POLR2H: variants seen among roughly 807,000 people sequenced by gnomAD.
POLR2H encodes RNA polymerase II, I and III subunit H.
Under a neutral mutation model 18.1 loss-of-function variants are expected in POLR2H, and 3 were observed. That is an observed-to-expected ratio of 0.17 (90% CI 0.08 to 0.43). The LOEUF (loss-of-function observed/expected upper bound fraction) is 0.43, where lower values mean the gene tolerates loss of function less well. Among genes scored for constraint, POLR2H ranks in the 20% least tolerant of loss-of-function variants. The pLI, the probability that POLR2H is intolerant of heterozygous loss-of-function variation, is 0.99. For missense variants in POLR2H, 103 were observed against 184.6 expected, an observed-to-expected ratio of 0.56 and a Z score of 2.56; for synonymous variants, 76 against 69.0, an observed-to-expected ratio of 1.10 and a Z score of -0.50.
At chr3:184,364,806 C>T (rs1712950116) in intron 2 of POLR2H, 160 bp from the exon 3 acceptor site, 2 of 584,550 alleles carry the variant, frequency 3.4e-6, no homozygotes, top group African/African-American at 1.9e-5. Flanking sequence ...CCTTTTCCTT[C>T]TTGCATATCT....
Position 184,363,463 on chromosome 3 carries a change from C to A in POLR2H, c.-30C>A. Reference sequence around the variant, plus strand: ...CTCCCAACTGTGGTCGCGCTCTCACCCCTTCTGCTGCTCTCGTGGCCCCCT... The same window carrying A: ...CTCCCAACTGTGGTCGCGCTCTCACACCTTCTGCTGCTCTCGTGGCCCCCT... On this transcript the variant is annotated 5_prime_UTR_variant, in exon 2 of 6. Coordinates refer to ENST00000456318, the MANE Select transcript of POLR2H (RefSeq NM_006232.5). 1.3e-6 allele frequency: 2 copies of A among 1,595,680 alleles called. No homozygotes were observed. The highest frequency in any genetic ancestry group is 1.7e-6 in the Non-Finnish European group (2 of 1,163,574).
chr3:184,366,846 T>C (rs1273579918), intron 5 of POLR2H, 46 bp downstream of exon 5: 2 of 1,144,260 alleles, frequency 1.7e-6, no homozygotes, highest in Admixed American at 1.7e-5. Flanking sequence ...TTCCATGTTC[T>C]GAGACTTTGA....
chr3:184,365,145 G>C lies in POLR2H; in HGVS notation c.170G>C (p.Arg57Pro). ...IYPVDLGDKFRLVIASTLYED... is the reference protein window; with the variant it reads ...IYPVDLGDKFPLVIASTLYED... ...CTGTTATTTTCAGGTGACAAGTTTC[G>C]GTTGGTCATAGCTAGTACCTTGTAT... Residue 57 changes from arginine to proline, a missense_variant, in exon 4 of 6, where the codon CGG becomes CCG. Physicochemically the swap from Arg to Pro is moderately radical, Grantham distance 103. Transcript: ENST00000456318. 1 of 1,612,660 alleles carries C rather than the reference G, an allele frequency of 6.2e-7. No individual in the cohort carries two copies. The highest frequency in any genetic ancestry group is 8.5e-7 in the Non-Finnish European group (1 of 1,178,688).
chr3:184,364,005 C>G (rs1034550241), intron 2 of POLR2H, among the ~76,000 whole-genome samples: 1 of 152,134 alleles, frequency 6.6e-6, no homozygotes, highest in Non-Finnish European at 1.5e-5. Context: ...GAGCCAAGAT[C>G]GCGCCACTGC....
At position 184,366,780 on chromosome 3, in the gene POLR2H, T is replaced by C; in HGVS notation, c.315T>C (p.Ser105=). 1 of 1,594,822 alleles carries C rather than the reference T, an allele frequency of 6.3e-7. No individual in the cohort carries two copies. Among genetic ancestry groups the C allele is most frequent in the Non-Finnish European group, 8.6e-7 (1 of 1,162,338 alleles). Residue 105 remains serine, a synonymous_variant, in exon 5 of 6, where the codon TCT becomes TCC. Coordinates refer to ENST00000456318, the MANE Select transcript of POLR2H (RefSeq NM_006232.5). ...KVYRIEGDET[S]TEAATRLSAY... ...ACAGGATTGAGGGAGATGAAACTTC[T>C]ACTGAAGCAGCAACACGCCTGTAAG...
rs952086403 is a variant in POLR2H, at chr3:184,365,140, G to A, written c.165G>A (p.Lys55=). 6.2e-7 allele frequency: 1 copy of A among 1,612,398 alleles called. No homozygotes were observed. Among genetic ancestry groups the A allele is most frequent in the Non-Finnish European group, 8.5e-7 (1 of 1,178,408 alleles). ...TATTGCTGTTATTTTCAGGTGACAA[G>A]TTTCGGTTGGTCATAGCTAGTACCT... ...IQIYPVDLGD[K]FRLVIASTLY... The change falls in exon 4 of 6, where the codon AAG becomes AAA. Residue 55 remains lysine, a synonymous_variant. Transcript: ENST00000456318.
chr3:184,367,492 CTTTT>C (rs202193300), intron 5 of POLR2H, among the ~76,000 whole-genome samples: 1 of 143,112 alleles, frequency 7.0e-6, no homozygotes, highest in South Asian at 2.2e-4. Context: ...CTTTTCTTTT[CTTTT>C]TTTTTTTTGA....
Position 184,363,146 on chromosome 3 carries a change from G to A in POLR2H, c.-347G>A. On this transcript the variant is annotated 5_prime_UTR_variant, in exon 2 of 6. Coordinates refer to ENST00000456318, the MANE Select transcript of POLR2H (RefSeq NM_006232.5). Reference sequence around the variant, plus strand: ...CACGCATTCCAGTCTTCGGAACCCGGCCTCTGAAGAGGGCGCAGTAGGGCC... The same window carrying A: ...CACGCATTCCAGTCTTCGGAACCCGACCTCTGAAGAGGGCGCAGTAGGGCC... 2 of 362,078 alleles carry A rather than the reference G, an allele frequency of 5.5e-6. No individual in the cohort carries two copies. Among genetic ancestry groups the A allele is most frequent in the South Asian group, 4.6e-5 (2 of 43,934 alleles). 22.4% of individuals were successfully genotyped at this position (362,078 alleles called of 1,614,324 possible).
Position 184,363,056 on chromosome 3 carries a change from C to T in POLR2H, c.-437C>T. On this transcript the variant is annotated 5_prime_UTR_variant, in exon 2 of 6. Transcript: ENST00000456318. ...TGCCCTCGGCGGGCACGCGGACCGGCGGGGTAGGGCTAGGGCCCGGCTTCT... is the reference window on the plus strand; with the variant it reads ...TGCCCTCGGCGGGCACGCGGACCGGTGGGGTAGGGCTAGGGCCCGGCTTCT... 4.6e-6 allele frequency: 1 copy of T among 218,346 alleles called. No individual in the cohort carries two copies. The highest frequency in any genetic ancestry group is 5.0e-5 in the South Asian group (1 of 19,958). 13.5% of individuals were successfully genotyped at this position (218,346 alleles called of 1,614,324 possible). A position where few individuals can be genotyped will look rare whatever the true frequency, so the allele number is the denominator to read the frequency against.
In POLR2H at chr3:184,363,385, C is replaced by G; in HGVS notation, c.-108C>G. Reference sequence around the variant, plus strand: ...CACTCTCGTCTGGCCGCCGCGCTTTCAGGAGGTGCTTTTGGTTCTCTCCGG... The same window carrying G: ...CACTCTCGTCTGGCCGCCGCGCTTTGAGGAGGTGCTTTTGGTTCTCTCCGG... On this transcript the variant is annotated 5_prime_UTR_variant, in exon 2 of 6. The change creates a premature stop within an existing upstream ORF in the 5' untranslated region. Transcript: ENST00000456318. The G allele has an allele frequency of 1.1e-6, 1 of 919,562 alleles. No individual in the cohort carries two copies. Among genetic ancestry groups the G allele is most frequent in the South Asian group, 1.4e-5 (1 of 72,514 alleles). 57.0% of individuals were successfully genotyped at this position (919,562 alleles called of 1,614,324 possible).
chr3:184,365,559 T>G, intron 4 of POLR2H: 1 of 293,368 alleles, frequency 3.4e-6, no homozygotes, highest in Non-Finnish European at 6.4e-6. Context: ...TAGTCCCAGC[T>G]GCCTGGGAGG....
At chr3:184,366,904 G>C (rs1232920353) in intron 5 of POLR2H, 104 bp downstream of exon 5, 1 of 721,576 alleles carries the variant, frequency 1.4e-6, no homozygotes. Context: ...AGGCACCTCA[G>C]ACCGAGGTGG....
Position 184,368,266 on chromosome 3 carries a change from A to G in POLR2H, c.425A>G (p.Tyr142Cys), listed in dbSNP as rs1713686246. The G allele has an allele frequency of 1.9e-6, 3 of 1,607,760 alleles. No homozygotes were observed. Among genetic ancestry groups the G allele is most frequent in the Non-Finnish European group, 2.6e-6 (3 of 1,175,908 alleles). The stretch of plus-strand genomic sequence containing the variant: ...GGATTCGAGGTGGACTCCAGAGTTT[A>G]TCTCCTGATGAAGAAGCTAGCCTTC... ...LHGFEVDSRV[Y>C]LLMKKLAF The change falls in exon 6 of 6, where the codon TAT (tyrosine) becomes TGT (cysteine). Residue 142 changes from tyrosine to cysteine, a missense_variant. Physicochemically the swap from Tyr to Cys is radical, Grantham distance 194. Transcript: ENST00000456318.
chr3:184,367,145 CTGTGTGTGTG>C (rs139867729), intron 5 of POLR2H, among the ~76,000 whole-genome samples: 3 of 48,138 alleles, frequency 6.2e-5, no homozygotes, highest in Non-Finnish European at 1.3e-4. Flanking sequence ...CTGTAAAAGG[CTGTGTGTGTG>C]TGTGTGTGTG....
At chr3:184,364,896 T>C in intron 2 of POLR2H, 70 bp from the exon 3 acceptor site, 2 of 997,762 alleles carry the variant, frequency 2.0e-6, no homozygotes, top group Non-Finnish European at 3.2e-6. Context: ...AGTATCCTGT[T>C]GCATACAATC....
chr3:184,364,807 T>C, intron 2 of POLR2H, 159 bp from the exon 3 acceptor site: 1 of 592,682 alleles, frequency 1.7e-6, no homozygotes, highest in Admixed American at 3.2e-5. Context: ...CTTTTCCTTC[T>C]TGCATATCTG....
At chr3:184,366,369 G>A (rs1713271881) in intron 4 of POLR2H, 1 of 136,636 alleles carries the variant, frequency 7.3e-6, no homozygotes, top group Non-Finnish European at 1.5e-5. Flanking sequence ...ACGGAGTCTT[G>A]CTCTGTGGCC....
At chr3:184,368,131 T>A (rs1713653453) in intron 5 of POLR2H, 46 bp from the exon 6 acceptor site, 1 of 1,613,558 alleles carries the variant, frequency 6.2e-7, no homozygotes. Context: ...TGAGAGCTGC[T>A]GAGTGGCAGT....
At position 184,365,513 on chromosome 3, in the gene POLR2H, A is replaced by G. The variant is rs114397118; in HGVS notation, c.251+287A>G. The G allele has an allele frequency of 2.7e-3, 930 of 350,308 alleles. 9 individuals are homozygous for G. The highest frequency in any genetic ancestry group is 0.018 in the African/African-American group (821 of 46,668). The allele number at this position is 350,308 out of a possible 1,614,324, so 21.7% of individuals were successfully genotyped here. The stretch of plus-strand genomic sequence containing the variant: ...TCACTGCTACAAAAAAGAAGAGAGA[A>G]AAAAAAAAAAGGCTGGGCATGGTGT... On this transcript the variant is annotated intron_variant, in intron 4 of 5. Transcript: ENST00000456318.
Sources: gnomAD v4.1 joint callset for allele counts (sites outside exome capture counted in the v4.1 genomes callset) on GRCh38, gnomAD v4.1.1 for gene constraint, MANE v1.5 for transcripts, NCBI Gene and HGNC (gene_info 2026-07-23, HGNC 2026-07-21) for gene names.